Variants in LCLAT1 observed in about 807,000 individuals in gnomAD.
LCLAT1 encodes lysocardiolipin acyltransferase 1, also known as 1-AGP acyltransferase 8.
Under a neutral mutation model 30.7 loss-of-function variants are expected in LCLAT1, and 11 were observed. The observed-to-expected ratio is 0.36, with a 90% CI of 0.23 to 0.59. The LOEUF (loss-of-function observed/expected upper bound fraction) is 0.59. Ranked by LOEUF, LCLAT1 falls within the 20% of genes least tolerant of loss-of-function variation. The pLI is 0.77. For synonymous variants in LCLAT1, 155 were observed against 151.3 expected (o/e 1.02, Z -0.18); for missense variants, 402 against 458.6 (o/e 0.88, Z 1.13).
At chr2:30,617,718 TTA>T (rs1668060591) in intron 5 of LCLAT1, among the ~76,000 whole-genome samples, 1 of 152,160 alleles carries the variant, frequency 6.6e-6, no homozygotes, top group Admixed American at 6.5e-5. Flanking sequence ...TGGTTTTGGT[TTA>T]TGTTTCCCTA....
At chr2:30,473,527 G>A (rs775498245) in intron 1 of LCLAT1, among the ~76,000 whole-genome samples, 14 of 151,976 alleles carry the variant, frequency 9.2e-5, no homozygotes, top group Admixed American at 5.2e-4. Context: ...CCTTATAATC[G>A]TGATAATTTA....
chr2:30,530,714 A>G (rs1056994865), intron 2 of LCLAT1, among the ~76,000 whole-genome samples: 1 of 152,098 alleles, frequency 6.6e-6, no homozygotes, highest in African/African-American at 2.4e-5. Flanking sequence ...CCTGGCCTTT[A>G]AAAATTTTTT....
chr2:30,506,741 T>A (rs928878185), intron 1 of LCLAT1, among the ~76,000 whole-genome samples: 1 of 152,120 alleles, frequency 6.6e-6, no homozygotes, highest in African/African-American at 2.4e-5. Context: ...ACATGGATCC[T>A]TGTAGATTGC....
chr2:30,613,610 A>G (rs1336529422), intron 5 of LCLAT1, among the ~76,000 whole-genome samples: 1 of 135,610 alleles, frequency 7.4e-6, no homozygotes, highest in Non-Finnish European at 1.6e-5. Context: ...CAGCATATGG[A>G]GGATCCCGCC....
At chr2:30,533,806 A>G (rs1193593779) in intron 3 of LCLAT1, among the ~76,000 whole-genome samples, 1 of 152,182 alleles carries the variant, frequency 6.6e-6, no homozygotes, top group East Asian at 1.9e-4. Context: ...GCGCTTGTAT[A>G]ATATAATATT....
Position 30,642,876 on chromosome 2 carries a change from C to CT in LCLAT1, c.*2263dup, listed in dbSNP as rs1181660945. 3.0e-5 allele frequency: 1 copy of CT among 33,780 alleles called. No homozygotes were observed. Among genetic ancestry groups the CT allele is most frequent in the African/African-American group, 3.4e-4 (1 of 2,972 alleles). 2.1% of individuals were successfully genotyped at this position (33,780 alleles called of 1,614,324 possible). On this transcript the variant is annotated 3_prime_UTR_variant, in exon 6 of 6. Transcript: ENST00000379509. ...GACAGTAACTCCAAAAATAATTGTC[C>CT]TTTTTTCTTTCTTTCTTTTTTTACA...
At chr2:30,507,271 T>C (rs1164687803) in intron 1 of LCLAT1, among the ~76,000 whole-genome samples, 1 of 152,156 alleles carries the variant, frequency 6.6e-6, no homozygotes, top group Non-Finnish European at 1.5e-5. Context: ...TGATTAGAGA[T>C]TACAACAAAA....
chr2:30,501,682 G>T (rs1684399646), intron 1 of LCLAT1, among the ~76,000 whole-genome samples: 1 of 151,790 alleles, frequency 6.6e-6, no homozygotes, highest in South Asian at 2.1e-4. Flanking sequence ...CTCAAGAAAA[G>T]AAAAAATAAT....
chr2:30,525,144 G>A (rs924493437), intron 1 of LCLAT1, among the ~76,000 whole-genome samples: 28 of 151,746 alleles, frequency 1.8e-4, no homozygotes, highest in East Asian at 9.7e-4. Context: ...TCATTCTGTC[G>A]TCCCAGCTGG....
At chr2:30,594,829 A>G (rs1255096570) in intron 5 of LCLAT1, among the ~76,000 whole-genome samples, 2 of 152,254 alleles carry the variant, frequency 1.3e-5, no homozygotes, top group African/African-American at 4.8e-5. Flanking sequence ...TAAGGCATCT[A>G]CAAAGTTTAT....
intron 3 of LCLAT1, among the ~76,000 whole-genome samples, chr2:30,557,243 A>G (rs1219254664): frequency 6.6e-6 from 1 of 151,662 alleles, no homozygotes; most frequent in Non-Finnish European, 1.5e-5. Context: ...GACATGGTCA[A>G]TGAAATAAAC....
At chr2:30,587,927 AGAT>A (rs751456764) in intron 5 of LCLAT1, among the ~76,000 whole-genome samples, 2 of 152,258 alleles carry the variant, frequency 1.3e-5, no homozygotes, top group Non-Finnish European at 2.9e-5. Flanking sequence ...CTAAAGATAC[AGAT>A]GAGATTATAA....
At chr2:30,481,922 A>G (rs1476509272) in intron 1 of LCLAT1, among the ~76,000 whole-genome samples, 1 of 152,112 alleles carries the variant, frequency 6.6e-6, no homozygotes, top group Non-Finnish European at 1.5e-5. Flanking sequence ...ACTTCCAATA[A>G]TTTTTCTTTG....
In LCLAT1 at chr2:30,494,245, A is replaced by G. The variant is rs1415618504; in HGVS notation, c.-4-31342A>G. ...CTTAAAACCAAAAAACAAAAAGACC[A>G]AAACCAAAAACAAAATAGTTTCATA... On this transcript the variant is annotated intron_variant, in intron 1 of 5. Coordinates refer to ENST00000379509, the MANE Select transcript of LCLAT1 (RefSeq NM_001002257.3). Among the ~76,000 whole-genome samples the G allele has an allele frequency of 5.3e-5, 8 of 152,200 alleles. No homozygotes were observed. In the East Asian group the frequency reaches 1.5e-3, roughly 29 times the overall value.
chr2:30,609,524 T>G lies in LCLAT1; in HGVS notation c.629-30593T>G, dbSNP rs567063662. Among the ~76,000 whole-genome samples, 40 of 152,290 alleles carry G rather than the reference T, an allele frequency of 2.6e-4. 1 individual carries two copies. Among genetic ancestry groups the G allele is most frequent in the African/African-American group, 9.4e-4 (39 of 41,582 alleles). The stretch of plus-strand genomic sequence containing the variant: ...TCCCCATATATTCATGAGAATGGCT[T>G]TGAACTCTATTCTGATACTTGTTTT... On this transcript the variant is annotated intron_variant, in intron 5 of 5. Transcript: ENST00000379509.
intron 3 of LCLAT1, among the ~76,000 whole-genome samples, chr2:30,539,457 A>T (rs1019760427): frequency 2.8e-4 from 43 of 152,008 alleles, no homozygotes; most frequent in African/African-American, 1.0e-3. Context: ...AGAGCCAAGC[A>T]TGTTTAGTCA....
At chr2:30,514,760 T>G (rs191956166) in intron 1 of LCLAT1, among the ~76,000 whole-genome samples, 1 of 152,352 alleles carries the variant, frequency 6.6e-6, no homozygotes, top group East Asian at 1.9e-4. Context: ...CTGTCAGTCC[T>G]GGGATTTTTG....
intron 1 of LCLAT1, among the ~76,000 whole-genome samples, chr2:30,518,998 C>G (rs1012430145): frequency 1.3e-5 from 2 of 152,234 alleles, no homozygotes; most frequent in Admixed American, 1.3e-4. Flanking sequence ...CCCAAACACT[C>G]TTAAAGTTCC....
chr2:30,617,260 A>G (rs984641567), intron 5 of LCLAT1, among the ~76,000 whole-genome samples: 2 of 152,136 alleles, frequency 1.3e-5, no homozygotes, highest in African/African-American at 4.8e-5. Flanking sequence ...TGCCTTTTCT[A>G]GATTTTCATA....
Sources: gnomAD v4.1 joint callset for allele counts (sites outside exome capture counted in the v4.1 genomes callset) on GRCh38, gnomAD v4.1.1 for gene constraint, MANE v1.5 for transcripts, NCBI Gene and HGNC (gene_info 2026-07-23, HGNC 2026-07-21) for gene names.